The following SAMTOR variants were observed in gnomAD, a reference collection of about 807,000 sequenced individuals.
The protein encoded by SAMTOR is S-adenosylmethionine sensor upstream of mTORC1, also known as UPF0532 protein C7orf60.
At chr7:112,853,741 T>C in the SAMTOR span, among the ~76,000 whole-genome samples, 1 of 152,158 alleles carries the variant, frequency 6.6e-6, no homozygotes, top group Non-Finnish European at 1.5e-5. Flanking sequence ...CAGTAGGCTA[T>C]AACTTTTATA....
At chr7:112,931,766 T>C in the SAMTOR span, among the ~76,000 whole-genome samples, 6 of 152,178 alleles carry the variant, frequency 3.9e-5, no homozygotes, top group African/African-American at 1.4e-4. Context: ...TATTAGTGTA[T>C]CTACACTTAA....
At chr7:112,934,933 C>T in the SAMTOR span, among the ~76,000 whole-genome samples, 5 of 152,264 alleles carry the variant, frequency 3.3e-5, no homozygotes, top group East Asian at 7.7e-4. Flanking sequence ...TACCTACATG[C>T]CCTTCATTGA....
At chr7:112,825,270 A>C in the SAMTOR span, among the ~76,000 whole-genome samples, 14 of 151,656 alleles carry the variant, frequency 9.2e-5, no homozygotes, top group Non-Finnish European at 1.8e-4. Context: ...CCAACAATCC[A>C]CTTGCCTAGG....
the SAMTOR span, among the ~76,000 whole-genome samples, chr7:112,907,425 T>C: frequency 6.6e-6 from 1 of 152,112 alleles, no homozygotes; most frequent in African/African-American, 2.4e-5. Flanking sequence ...TTTGAATTCC[T>C]ACAGTCTGGT....
the SAMTOR span, among the ~76,000 whole-genome samples, chr7:112,933,279 T>G: frequency 6.6e-6 from 1 of 152,120 alleles, no homozygotes; most frequent in Non-Finnish European, 1.5e-5. Flanking sequence ...CTCTAGGAAA[T>G]TAACAAAAAT....
the SAMTOR span, among the ~76,000 whole-genome samples, chr7:112,870,366 C>T: frequency 6.6e-6 from 1 of 152,134 alleles, no homozygotes; most frequent in East Asian, 1.9e-4. Context: ...AGAGATTGGG[C>T]TCCCGCTCCC....
At chr7:112,935,763 C>T in the SAMTOR span, among the ~76,000 whole-genome samples, 3 of 152,164 alleles carry the variant, frequency 2.0e-5, no homozygotes, top group East Asian at 3.9e-4. Flanking sequence ...TGTACTTTTA[C>T]TCCTGACAAC....
chr7:112,923,341 G>A, the SAMTOR span, among the ~76,000 whole-genome samples: 53 of 151,922 alleles, frequency 3.5e-4, no homozygotes, highest in Middle Eastern at 3.4e-3. Context: ...CAAACACTGC[G>A]GAAGGCTGCA....
chr7:112,887,827 C>T, the SAMTOR span, among the ~76,000 whole-genome samples: 26 of 151,992 alleles, frequency 1.7e-4, no homozygotes, highest in East Asian at 4.8e-3. Flanking sequence ...TAATTTGTAT[C>T]CTATCTCTTT....
chr7:112,866,666 C>T, the SAMTOR span, among the ~76,000 whole-genome samples: 6,917 of 152,296 alleles, frequency 0.045, 518 homozygotes, highest in African/African-American at 0.16. Flanking sequence ...GTTTCAGTTT[C>T]TGTTGTACCT....
At chr7:112,832,560 C>A in the SAMTOR span, 2 of 1,546,892 alleles carry the variant, frequency 1.3e-6, no homozygotes, top group Non-Finnish European at 1.8e-6. Context: ...ACTATGCATA[C>A]CTCTACAGCA....
At chr7:112,921,958 C>CCG in the SAMTOR span, among the ~76,000 whole-genome samples, 2 of 151,558 alleles carry the variant, frequency 1.3e-5, no homozygotes, top group African/African-American at 4.9e-5. Flanking sequence ...TCTCCCTCTC[C>CCG]CTCTCCCTCT....
chr7:112,871,001 A>C, the SAMTOR span, among the ~76,000 whole-genome samples: 1 of 152,158 alleles, frequency 6.6e-6, no homozygotes, highest in African/African-American at 2.4e-5. Context: ...ATAATATAGC[A>C]CCCAATGTTG....
chr7:112,919,385 G>C, the SAMTOR span, among the ~76,000 whole-genome samples: 4 of 152,238 alleles, frequency 2.6e-5, no homozygotes, highest in East Asian at 3.9e-4. Context: ...AAATAAAGAT[G>C]TTCTTTGAAA....
chr7:112,826,695 T>G, the SAMTOR span, among the ~76,000 whole-genome samples: 1 of 152,166 alleles, frequency 6.6e-6, no homozygotes, highest in South Asian at 2.1e-4. Context: ...AGTTGAAAAG[T>G]TGATGTCATT....
At chr7:112,855,071 A>T in the SAMTOR span, among the ~76,000 whole-genome samples, 2 of 152,170 alleles carry the variant, frequency 1.3e-5, no homozygotes, top group Non-Finnish European at 2.9e-5. Context: ...CTCTCATTTT[A>T]TAGATGAGGA....
the SAMTOR span, among the ~76,000 whole-genome samples, chr7:112,917,763 G>A: frequency 2.6e-5 from 4 of 152,176 alleles, no homozygotes; most frequent in Admixed American, 6.5e-5. Flanking sequence ...AGGAGCTGAT[G>A]GAGCTGAAAG....
the SAMTOR span, among the ~76,000 whole-genome samples, chr7:112,916,795 C>T: frequency 3.7e-4 from 56 of 152,328 alleles, 1 homozygote; most frequent in East Asian, 1.2e-3. Context: ...GATTATATCC[C>T]ACACCTGACT....
the SAMTOR span, among the ~76,000 whole-genome samples, chr7:112,843,036 A>G: frequency 0.13 from 19,961 of 152,010 alleles, 1,590 homozygotes; most frequent in Middle Eastern, 0.34. Context: ...AACAAATAAA[A>G]CTTCTTTGCC....
Sources: allele counts gnomAD v4.1 joint callset (sites outside exome capture counted in the v4.1 genomes callset), GRCh38; gene constraint gnomAD v4.1.1; transcripts MANE v1.5; gene names NCBI Gene and HGNC (gene_info 2026-07-23, HGNC 2026-07-21).